MTFR1: variants seen among roughly 807,000 people sequenced by gnomAD.
MTFR1 encodes chondrocyte protein with a poly-proline region.
In MTFR1, 28 loss-of-function variants were observed where a neutral mutation model predicts 38.8. The ratio of observed to expected loss-of-function variants is 0.72; its 90% CI spans 0.53 to 0.99. The LOEUF (loss-of-function observed/expected upper bound fraction) is 0.99, where lower values mean the gene tolerates loss of function less well. Ranked by LOEUF, MTFR1 falls within the 50% of genes least tolerant of loss-of-function variation. The probability of loss-of-function intolerance (pLI) is 0.00; values close to 1 mark genes in which losing one functional copy is unlikely to be tolerated. For missense variants in MTFR1, 358 were observed against 395.5 expected (o/e 0.91, Z 0.81); for synonymous variants, 145 against 137.0 (o/e 1.06, Z -0.41).
downstream of MTFR1, among the ~76,000 whole-genome samples, chr8:65,710,980 T>C (rs1455236955): frequency 1.4e-5 from 2 of 140,792 alleles, no homozygotes; most frequent in Non-Finnish European, 3.0e-5. Flanking sequence ...GGGACTCTCA[T>C]ATATATATAT....
intron 2 of MTFR1, among the ~76,000 whole-genome samples, chr8:65,671,934 G>T (rs183412472): frequency 3.1e-4 from 47 of 152,202 alleles, no homozygotes; most frequent in African/African-American, 1.0e-3. Flanking sequence ...TAGTTTCTTA[G>T]ATTTTTGCTG....
intron 3 of MTFR1, among the ~76,000 whole-genome samples, chr8:65,690,850 A>G (rs992170010): frequency 2.6e-5 from 4 of 152,188 alleles, no homozygotes; most frequent in African/African-American, 9.6e-5. Context: ...CCCATTAAAT[A>G]CCATCTCTGC....
intron 2 of MTFR1, among the ~76,000 whole-genome samples, chr8:65,716,371 T>A (rs1234033849): frequency 6.6e-6 from 1 of 152,100 alleles, no homozygotes. Context: ...GGAGCCCAGG[T>A]AAGCTCAACT....
chr8:65,749,698 T>C (rs1400326119), intron 3 of MTFR1, among the ~76,000 whole-genome samples: 1 of 152,228 alleles, frequency 6.6e-6, no homozygotes, highest in Non-Finnish European at 1.5e-5. Flanking sequence ...ATGAGAACAC[T>C]GTGCCTACAA....
chr8:65,725,090 A>G (rs758603081), intron 3 of MTFR1, among the ~76,000 whole-genome samples: 4 of 152,184 alleles, frequency 2.6e-5, no homozygotes, highest in Non-Finnish European at 4.4e-5. Context: ...AATGCTTCAA[A>G]AAAAGCCATT....
At chr8:65,673,469 A>G (rs1283514152) in intron 2 of MTFR1, among the ~76,000 whole-genome samples, 2 of 151,854 alleles carry the variant, frequency 1.3e-5, no homozygotes, top group Admixed American at 6.6e-5. Flanking sequence ...AGGACAATGC[A>G]TGCGTTGTCC....
chr8:65,719,246 T>G, intron 2 of MTFR1: 1 of 1,401,752 alleles, frequency 7.1e-7, no homozygotes, highest in Non-Finnish European at 1.0e-6. Flanking sequence ...ATTTCACATT[T>G]CTAAAAACCT....
intron 1 of MTFR1, among the ~76,000 whole-genome samples, chr8:65,655,970 C>CGTATATATATATATATATATGTAT (rs1809252480): frequency 1.9e-5 from 1 of 53,626 alleles, no homozygotes; most frequent in African/African-American, 1.0e-4. Flanking sequence ...ATATATATAC[C>CGTATATATATATATATATATGTAT]ATATATATAT....
At chr8:65,716,674 T>C (rs1236110853) in intron 2 of MTFR1, among the ~76,000 whole-genome samples, 1 of 152,202 alleles carries the variant, frequency 6.6e-6, no homozygotes, top group Non-Finnish European at 1.5e-5. Flanking sequence ...CATTTCTCAC[T>C]GTAAATTAAA....
intron 3 of MTFR1, among the ~76,000 whole-genome samples, chr8:65,767,903 C>T (rs886303711): frequency 9.2e-5 from 14 of 152,262 alleles, no homozygotes; most frequent in Middle Eastern, 3.4e-3. Context: ...TCCTGGGAAC[C>T]GCAACCTGAA....
At chr8:65,706,381 G>A (rs1805780478) in intron 5 of MTFR1, among the ~76,000 whole-genome samples, 2 of 152,092 alleles carry the variant, frequency 1.3e-5, no homozygotes, top group South Asian at 4.1e-4. Context: ...CTCCAGTTAT[G>A]CAGAAAGAGG....
At chr8:65,727,262 A>G (rs1423932398) in intron 3 of MTFR1, 1 of 1,613,804 alleles carries the variant, frequency 6.2e-7, no homozygotes, top group East Asian at 2.2e-5. Context: ...GCTGCAATTA[A>G]GCTCAGCAAG....
chr8:65,683,382 G>A (rs189888186), intron 3 of MTFR1, among the ~76,000 whole-genome samples: 37 of 151,986 alleles, frequency 2.4e-4, no homozygotes, highest in Non-Finnish European at 4.3e-4. Context: ...TGCCTGTTTC[G>A]GCCTTCCAAA....
rs182128109 is a variant in MTFR1 at position 65,688,903 on chromosome 8, G to A, written c.166-4741G>A. ...CTCACACCTGTAATCCCAGCACTTT[G>A]GGAGGCTGAGGCGGGTGGATCACTT... On this transcript the variant is annotated intron_variant, in intron 3 of 7. Transcript: ENST00000262146. Among the ~76,000 whole-genome samples the A allele has an allele frequency of 1.5e-3, 234 of 152,144 alleles. 1 individual carries two copies. The highest frequency in any genetic ancestry group is 5.4e-3 in the African/African-American group (224 of 41,512).
chr8:65,648,817 T>G (rs1403407936), intron 1 of MTFR1, among the ~76,000 whole-genome samples: 1 of 152,194 alleles, frequency 6.6e-6, no homozygotes, highest in Non-Finnish European at 1.5e-5. Flanking sequence ...CTAAGATCTT[T>G]TTAAACATTT....
At chr8:65,765,961 T>C (rs938889590) in intron 3 of MTFR1, among the ~76,000 whole-genome samples, 1 of 152,232 alleles carries the variant, frequency 6.6e-6, no homozygotes, top group African/African-American at 2.4e-5. Flanking sequence ...TTATTTATTT[T>C]TTGAGATGGA....
At chr8:65,741,465 A>G (rs1157279438) in intron 3 of MTFR1, among the ~76,000 whole-genome samples, 3 of 152,262 alleles carry the variant, frequency 2.0e-5, no homozygotes, top group Non-Finnish European at 4.4e-5. Context: ...AGCTGATGAA[A>G]AAGTACATTA....
At position 65,694,534 on chromosome 8, in the gene MTFR1, C is replaced by T. The variant is rs116452465; in HGVS notation, c.281+775C>T. Among the ~76,000 whole-genome samples the T allele has an allele frequency of 2.0e-3, 307 of 152,192 alleles. 1 individual carries two copies. Among genetic ancestry groups the T allele is most frequent in the African/African-American group, 7.2e-3 (298 of 41,514 alleles). On this transcript the variant is annotated intron_variant, in intron 4 of 7. Coordinates refer to ENST00000262146, the MANE Select transcript of MTFR1 (RefSeq NM_014637.4). ...TCTTTGTCCTTCAGCAGTTTACATT[C>T]TAATGTAAGAGACCAGAAACAATGA...
At chr8:65,718,645 C>G (rs923337336) in intron 2 of MTFR1, 1 of 152,558 alleles carries the variant, frequency 6.6e-6, no homozygotes, top group Non-Finnish European at 1.5e-5. Flanking sequence ...GCTCAGTTTC[C>G]AGTGCATGAA....
Sources: allele counts gnomAD v4.1 joint callset (sites outside exome capture counted in the v4.1 genomes callset), GRCh38; gene constraint gnomAD v4.1.1; transcripts MANE v1.5; gene names NCBI Gene and HGNC (gene_info 2026-07-23, HGNC 2026-07-21).